The following MDGA1 variants were observed in gnomAD, a reference collection of about 807,000 sequenced individuals.
MDGA1 encodes MAM domain-containing glycosylphosphatidylinositol anchor protein 1.
In MDGA1, 54 loss-of-function variants were observed where a neutral mutation model predicts 101.5. The ratio of observed to expected loss-of-function variants is 0.53; its 90% CI spans 0.43 to 0.67. The LOEUF is 0.67. Among genes scored for constraint, MDGA1 ranks in the 30% least tolerant of loss-of-function variants. The probability of loss-of-function intolerance (pLI) is 0.00; values close to 1 mark genes in which losing one functional copy is unlikely to be tolerated. For synonymous variants in MDGA1, 533 were observed against 558.3 expected (o/e 0.95, Z 0.64); for missense variants, 1,083 against 1,323.8 (o/e 0.82, Z 2.82).
In MDGA1 at chr6:37,696,927, G is replaced by A. The variant is rs1365242855; in HGVS notation, c.-116C>T. ...CCCCCCCTTTCCCTGAGAGGTGAGA[G>A]AGAGAGCGGCGACGAAGACCAGGAG... On this transcript the variant is annotated 5_prime_UTR_variant, in exon 1 of 17. Transcript: ENST00000434837. The surrounding 1 kb of genome is among the most constrained non-coding windows in gnomAD (Gnocchi z 5.6). 5 of 856,604 alleles carry A rather than the reference G, an allele frequency of 5.8e-6. No homozygotes were observed. The highest frequency in any genetic ancestry group is 7.6e-6 in the Non-Finnish European group (4 of 524,408). The allele number at this position is 856,604 out of a possible 1,614,324, so 53.1% of individuals were successfully genotyped here.
chr6:37,670,555 G>C (rs950303157), intron 1 of MDGA1, among the ~76,000 whole-genome samples: 1 of 151,392 alleles, frequency 6.6e-6, no homozygotes, highest in African/African-American at 2.4e-5. Context: ...AATAAATAAA[G>C]AAACTCATGT....
chr6:37,633,993 A>C lies in MDGA1; in HGVS notation c.*3375T>G, dbSNP rs1763875388. The stretch of plus-strand genomic sequence containing the variant: ...TGAGCCAGGGGCTTTCCCAGAGCAC[A>C]GGGAAAAGGAGAATGAATGAGAAAG... On this transcript the variant is annotated 3_prime_UTR_variant, in exon 17 of 17. Coordinates refer to ENST00000434837, the MANE Select transcript of MDGA1 (RefSeq NM_153487.4). 1 of 152,374 alleles carries C rather than the reference A, an allele frequency of 6.6e-6. No individual in the cohort carries two copies. Among genetic ancestry groups the C allele is most frequent in the East Asian group, 1.9e-4 (1 of 5,192 alleles). The allele number at this position is 152,374 out of a possible 1,614,324, so 9.4% of individuals were successfully genotyped here. A position where few individuals can be genotyped will look rare whatever the true frequency, so the allele number is the denominator to read the frequency against.
At position 37,655,895 on chromosome 6, in the gene MDGA1, G is replaced by T. The variant is rs773733519; in HGVS notation, c.384C>A (p.Tyr128Ter). 1 of 1,610,982 alleles carries T rather than the reference G, an allele frequency of 6.2e-7. No homozygotes were observed. The highest frequency in any genetic ancestry group is 8.5e-7 in the Non-Finnish European group (1 of 1,178,662). ...GCACCGTCAGCATTGGCTCATCCAG[G>T]TCTGCAAGGGCACAGCCCCCATGGA... ...AIKSIRVDVQ[Y>*]LDEPMLTVHQ... Residue 128 changes from tyrosine to a stop codon, truncating the protein, a stop_gained and splice_region_variant, in exon 4 of 17, where the codon TAC (tyrosine) becomes TAA (stop). Coordinates refer to ENST00000434837, the MANE Select transcript of MDGA1 (RefSeq NM_153487.4). LOFTEE classifies it high-confidence loss of function. This position sits in a 1 kb window ranked among gnomAD's most constrained non-coding sequence, Gnocchi z 5.1.
rs753379042 is a variant in MDGA1, at chr6:37,638,633, T to C, written c.2571A>G (p.Lys857=). The change falls in exon 15 of 17, where the codon AAA becomes AAG. Residue 857 remains lysine, a synonymous_variant. Transcript: ENST00000434837. This position sits in a 1 kb window ranked among gnomAD's most constrained non-coding sequence, Gnocchi z 4.8. ...ACCAGGCGTGCGTGTCCAGAGCCCC[T>C]TTGTTCCGGGACCGCACCAGGAGGT... The part of the protein sequence containing the change: ...SLNLLVRSRN[K]GALDTHAWSL... 1 of 1,613,794 alleles carries C rather than the reference T, an allele frequency of 6.2e-7. No individual in the cohort carries two copies. The highest frequency in any genetic ancestry group is 8.5e-7 in the Non-Finnish European group (1 of 1,179,814).
At chr6:37,644,006 T>A (rs1764158321) in intron 13 of MDGA1, 63 bp from the exon 14 acceptor site, 1 of 1,593,366 alleles carries the variant, frequency 6.3e-7, no homozygotes, top group East Asian at 2.2e-5. Flanking sequence ...CCTACCTGAT[T>A]CCCTCTCTGC....
intron 2 of MDGA1, among the ~76,000 whole-genome samples, chr6:37,662,771 G>A (rs923422346): frequency 2.6e-5 from 4 of 152,138 alleles, no homozygotes; most frequent in Non-Finnish European, 2.9e-5. Flanking sequence ...AGAAAACCAC[G>A]TACACATACA....
chr6:37,686,576 G>A (rs1210896012), intron 1 of MDGA1, among the ~76,000 whole-genome samples: 6 of 151,892 alleles, frequency 4.0e-5, no homozygotes, highest in Admixed American at 6.6e-5. Context: ...ACAGGTGTCC[G>A]CCACCACACC....
Position 37,652,482 on chromosome 6 carries a change from T to A in MDGA1, c.983-142A>T. 1.6e-6 allele frequency: 1 copy of A among 615,168 alleles called. No individual in the cohort carries two copies. Among genetic ancestry groups the A allele is most frequent in the Non-Finnish European group, 2.8e-6 (1 of 353,072 alleles). 38.1% of individuals were successfully genotyped at this position (615,168 alleles called of 1,614,324 possible). ...GCTACAACTCCCCCAGGTGAAACTATCACTTTTCTCTGCCTGGGAATTGTT... is the reference window on the plus strand; with the variant it reads ...GCTACAACTCCCCCAGGTGAAACTAACACTTTTCTCTGCCTGGGAATTGTT... On this transcript the variant is annotated intron_variant, in intron 6 of 16. Transcript: ENST00000434837. The surrounding 1 kb of genome is among the most constrained non-coding windows in gnomAD (Gnocchi z 4.3).
intron 1 of MDGA1, among the ~76,000 whole-genome samples, chr6:37,673,075 C>T (rs931672198): frequency 2.6e-5 from 4 of 152,018 alleles, no homozygotes; most frequent in East Asian, 1.9e-4. Flanking sequence ...TACTATGGTT[C>T]GGACTTTTCA....
At chr6:37,693,793 G>A (rs926964218) in intron 1 of MDGA1, among the ~76,000 whole-genome samples, 7 of 152,236 alleles carry the variant, frequency 4.6e-5, no homozygotes, top group African/African-American at 9.6e-5. Context: ...ATTGGGAGGC[G>A]AGGAGGGAGG....
At position 37,638,589 on chromosome 6, in the gene MDGA1, C is replaced by T. The variant is rs1270883583; in HGVS notation, c.2615G>A (p.Gly872Asp). Residue 872 changes from glycine (G) to aspartate (D), a missense_variant, in exon 15 of 17, where the codon GGC (glycine) becomes GAC (aspartate). This residue lies in a region of MDGA1 where 657 missense variants were observed against 771.4 expected (regional missense o/e 0.85). Coordinates refer to ENST00000434837, the MANE Select transcript of MDGA1 (RefSeq NM_153487.4). This position sits in a 1 kb window ranked among gnomAD's most constrained non-coding sequence, Gnocchi z 4.8. ...THAWSLSGNK[G>D]NVWQQAHVPI... ...CACATGGGCCTGCTGCCACACATTG[C>T]CCTTATTGCCACTGAGAGACCAGGC... 6.2e-7 allele frequency: 1 copy of T among 1,614,014 alleles called. No homozygotes were observed. The highest frequency in any genetic ancestry group is 2.2e-5 in the East Asian group (1 of 44,884).
intron 12 of MDGA1, 75 bp downstream of exon 12, chr6:37,645,858 T>C: frequency 2.0e-6 from 3 of 1,533,942 alleles, no homozygotes; most frequent in Non-Finnish European, 2.7e-6. Flanking sequence ...GGATAGCCTA[T>C]CTCCTTTCTC....
rs1761224841 is a variant in MDGA1 at position 37,647,199 on chromosome 6, G to C, written c.2020C>G (p.Leu674Val). The C allele has an allele frequency of 1.3e-6, 2 of 1,598,082 alleles. No individual in the cohort carries two copies. The highest frequency in any genetic ancestry group is 1.1e-5 in the South Asian group (1 of 87,982). The change falls in exon 10 of 17, where the codon CTC becomes GTC. Residue 674 changes from leucine to valine, a missense_variant. By Grantham distance (32) the Leu-to-Val change is conservative. Transcript: ENST00000434837. The stretch of plus-strand genomic sequence containing the variant: ...TGGCGGATGCTGAGTCTGTAGTTGA[G>C]CACAGGGTCGACAGCGTCGGGCTCC... ...QREPDAVDPV[L>V]NYRLSIRQLN... is the part of the protein sequence containing the mutation.
chr6:37,654,123 A>C, intron 6 of MDGA1, 151 bp downstream of exon 6: 2 of 803,568 alleles, frequency 2.5e-6, no homozygotes. Context: ...GCTGAATTGC[A>C]GGGAAATCGA....
intron 7 of MDGA1, among the ~76,000 whole-genome samples, chr6:37,651,612 T>C (rs943113685): frequency 1.2e-5 from 1 of 84,418 alleles, no homozygotes; most frequent in African/African-American, 3.4e-5. Flanking sequence ...GCCCCTGCTC[T>C]AGTTCTACTA....
At chr6:37,641,181 T>A (rs1764067456) in intron 14 of MDGA1, among the ~76,000 whole-genome samples, 1 of 152,194 alleles carries the variant, frequency 6.6e-6, no homozygotes, top group African/African-American at 2.4e-5. Context: ...ACTCATTTCA[T>A]CCCAGGCAGG....
intron 1 of MDGA1, among the ~76,000 whole-genome samples, chr6:37,691,608 C>T (rs1342557955): frequency 6.6e-6 from 1 of 152,234 alleles, no homozygotes; most frequent in Non-Finnish European, 1.5e-5. Context: ...GCACATGTTA[C>T]TCATAGTAGT....
chr6:37,657,691 C>T (rs1033188874), intron 3 of MDGA1, among the ~76,000 whole-genome samples: 6 of 152,168 alleles, frequency 3.9e-5, no homozygotes, highest in Non-Finnish European at 5.9e-5. Flanking sequence ...CTCAGCCTGA[C>T]GGATGACTCA....
intron 1 of MDGA1, among the ~76,000 whole-genome samples, chr6:37,695,261 G>T (rs1035711739): frequency 2.0e-5 from 3 of 152,146 alleles, no homozygotes; most frequent in East Asian, 3.9e-4. Context: ...CCTTGACCTG[G>T]GGAGAAAGAA....
Sources: gnomAD v4.1 joint callset for allele counts (sites outside exome capture counted in the v4.1 genomes callset) on GRCh38, gnomAD v4.1.1 for gene constraint, gnomAD v4.1.1 regional missense constraint, Gnocchi (gnomAD v3.1) non-coding constraint, MANE v1.5 for transcripts, NCBI Gene and HGNC (gene_info 2026-07-23, HGNC 2026-07-21) for gene names.